Variants in SV2C observed in about 807,000 individuals in gnomAD.
SV2C encodes solute carrier family 22 member B3.
SV2C carries 49 observed loss-of-function variants against 79.7 expected under a neutral mutation model. The ratio of observed to expected loss-of-function variants is 0.61; its 90% confidence interval spans 0.49 to 0.78. The LOEUF (loss-of-function observed/expected upper bound fraction) is 0.78. Among genes scored for constraint, SV2C ranks in the 30% least tolerant of loss-of-function variants. The pLI is 0.00. For missense variants in SV2C, 833 were observed against 912.9 expected, an observed-to-expected ratio of 0.91 and a Z score of 1.13; for synonymous variants, 334 against 333.2, an observed-to-expected ratio of 1.00 and a Z score of -0.03.
upstream of SV2C, among the ~76,000 whole-genome samples, chr5:76,081,313 G>T (rs1021818205): frequency 1.3e-5 from 2 of 152,124 alleles, no homozygotes; most frequent in Non-Finnish European, 2.9e-5. Context: ...GTTTAGGGGA[G>T]GTTCTCAAAA....
intron 4 of SV2C, among the ~76,000 whole-genome samples, chr5:76,251,038 C>G (rs1201144117): frequency 6.6e-6 from 1 of 152,174 alleles, no homozygotes; most frequent in Non-Finnish European, 1.5e-5. Context: ...GCATGTGCAT[C>G]AGGAGCATTT....
chr5:76,294,582 G>A (rs1747678569), intron 8 of SV2C, among the ~76,000 whole-genome samples: 1 of 152,182 alleles, frequency 6.6e-6, no homozygotes, highest in Non-Finnish European at 1.5e-5. Flanking sequence ...TTATAGGCGT[G>A]AGCCACTGTC....
At chr5:76,019,239 T>C in the SV2C span, among the ~76,000 whole-genome samples, 1 of 152,190 alleles carries the variant, frequency 6.6e-6, no homozygotes, top group South Asian at 2.1e-4. Context: ...AAAGGTACTG[T>C]ATTTTCTAGA....
At chr5:76,158,242 G>T (rs529125327) in intron 2 of SV2C, among the ~76,000 whole-genome samples, 156 of 151,844 alleles carry the variant, frequency 1.0e-3, no homozygotes, top group Admixed American at 3.0e-3. Flanking sequence ...AAAAGGCAGA[G>T]AGTTAAACAA....
the SV2C span, among the ~76,000 whole-genome samples, chr5:75,874,397 G>T: frequency 1.3e-5 from 2 of 152,016 alleles, no homozygotes; most frequent in Admixed American, 1.3e-4. Context: ...GGTATCAAAG[G>T]AACATACCTC....
At chr5:75,864,385 C>A in the SV2C span, among the ~76,000 whole-genome samples, 1 of 152,080 alleles carries the variant, frequency 6.6e-6, no homozygotes. Flanking sequence ...TAATAGGTAC[C>A]AGGCCCCTAT....
intron 4 of SV2C, among the ~76,000 whole-genome samples, chr5:76,244,474 T>C (rs1442539588): frequency 6.6e-6 from 1 of 152,174 alleles, no homozygotes; most frequent in Non-Finnish European, 1.5e-5. Flanking sequence ...TAAAAAGAAA[T>C]ATGTACCATT....
chr5:76,253,540 A>G (rs117383875), intron 4 of SV2C, among the ~76,000 whole-genome samples: 2 of 152,276 alleles, frequency 1.3e-5, no homozygotes, highest in East Asian at 3.9e-4. Flanking sequence ...TATTTGCAAT[A>G]TGCCAGAAAT....
chr5:76,339,011 A>T (rs1749385818), intron 12 of SV2C, among the ~76,000 whole-genome samples: 2 of 149,790 alleles, frequency 1.3e-5, no homozygotes, highest in Admixed American at 1.3e-4. Context: ...CAAACTGAGG[A>T]CTGGAAGCTT....
Position 76,326,775 on chromosome 5 carries a change from T to C in SV2C, c.*1228T>C, listed in dbSNP as rs1006728695. 6.6e-6 allele frequency: 1 copy of C among 152,218 alleles called. No homozygotes were observed. The highest frequency in any genetic ancestry group is 2.4e-5 in the African/African-American group (1 of 41,438). 9.4% of individuals were successfully genotyped at this position (152,218 alleles called of 1,614,324 possible). ...CTCCCTGTGGTTGTTTGACTGCTCATTTTACCTCTGGAATCTGCCTGGGCT... is the reference window on the plus strand; with the variant it reads ...CTCCCTGTGGTTGTTTGACTGCTCACTTTACCTCTGGAATCTGCCTGGGCT... On this transcript the variant is annotated 3_prime_UTR_variant, in exon 13 of 13. Coordinates refer to ENST00000502798, the MANE Select transcript of SV2C (RefSeq NM_014979.4).
chr5:76,238,780 G>A (rs951572592), intron 4 of SV2C, among the ~76,000 whole-genome samples: 5 of 152,216 alleles, frequency 3.3e-5, no homozygotes, highest in Non-Finnish European at 2.9e-5. Flanking sequence ...GGGGTTCTGA[G>A]AAGGATGTGG....
At chr5:75,896,150 T>TG in the SV2C span, among the ~76,000 whole-genome samples, 6 of 151,900 alleles carry the variant, frequency 3.9e-5, no homozygotes, top group African/African-American at 1.5e-4. Flanking sequence ...GCCATGCTGG[T>TG]GTGCTGCACC....
At chr5:76,023,462 C>T in the SV2C span, among the ~76,000 whole-genome samples, 5 of 151,942 alleles carry the variant, frequency 3.3e-5, no homozygotes, top group East Asian at 1.9e-4. Flanking sequence ...TTTTCAAATG[C>T]GTCTTATAGG....
the SV2C span, among the ~76,000 whole-genome samples, chr5:76,010,286 C>A: frequency 6.6e-6 from 1 of 152,202 alleles, no homozygotes; most frequent in South Asian, 2.1e-4. Flanking sequence ...CTCAATCAAG[C>A]CTTCATGCCT....
the SV2C span, among the ~76,000 whole-genome samples, chr5:75,969,231 G>A: frequency 1.3e-5 from 2 of 152,280 alleles, no homozygotes; most frequent in Non-Finnish European, 2.9e-5. Flanking sequence ...ATGCCAAATT[G>A]TAAAGACCAT....
intron 2 of SV2C, among the ~76,000 whole-genome samples, chr5:76,184,641 C>T (rs916272575): frequency 1.4e-4 from 21 of 152,140 alleles, no homozygotes; most frequent in African/African-American, 5.1e-4. Context: ...GGGGGAAGCC[C>T]CTTGTAAAAC....
At chr5:75,954,732 C>G in the SV2C span, among the ~76,000 whole-genome samples, 1 of 150,234 alleles carries the variant, frequency 6.7e-6, no homozygotes, top group Admixed American at 6.6e-5. Context: ...AAATCACAAG[C>G]ATTCTTATAC....
the SV2C span, among the ~76,000 whole-genome samples, chr5:76,034,175 AC>A: frequency 6.6e-6 from 1 of 151,558 alleles, no homozygotes; most frequent in African/African-American, 2.4e-5. Context: ...TTCTAGATAT[AC>A]AATCATGTCA....
chr5:76,177,502 CAA>C (rs142669266), intron 2 of SV2C, among the ~76,000 whole-genome samples: 3,091 of 152,146 alleles, frequency 0.02, 47 homozygotes, highest in African/African-American at 0.03. Context: ...ATAATTATAA[CAA>C]TATACTATAA....
Sources: gnomAD v4.1 joint callset for allele counts (sites outside exome capture counted in the v4.1 genomes callset) on GRCh38, gnomAD v4.1.1 for gene constraint, MANE v1.5 for transcripts, NCBI Gene and HGNC (gene_info 2026-07-23, HGNC 2026-07-21) for gene names.